The following FHIT variants were observed in gnomAD, a reference collection of about 807,000 sequenced individuals.
FHIT encodes fragile histidine triad diadenosine triphosphatase, also known as bis(5'-adenosyl)-triphosphatase.
In FHIT, 19 loss-of-function variants were observed where a neutral mutation model predicts 17.9. The ratio of observed to expected loss-of-function variants is 1.06; its 90% CI spans 0.74 to 1.56. The LOEUF is 1.56. Among genes scored for constraint, FHIT ranks in the 40% most tolerant of loss-of-function variants. The pLI, the probability that FHIT is intolerant of heterozygous loss-of-function variation, is 0.00. For synonymous variants in FHIT, 81 were observed against 69.7 expected, an observed-to-expected ratio of 1.16 and a Z score of -0.81; for missense variants, 248 against 189.2, an observed-to-expected ratio of 1.31 and a Z score of -1.82.
chr3:59,935,190 G>A (rs1365734429), intron 7 of FHIT, among the ~76,000 whole-genome samples: 2 of 152,124 alleles, frequency 1.3e-5, no homozygotes, highest in East Asian at 3.9e-4. Context: ...CCTTAGTAAT[G>A]TCTCCATCTG....
intron 3 of FHIT, among the ~76,000 whole-genome samples, chr3:61,026,822 C>T (rs1266487278): frequency 6.6e-6 from 1 of 152,100 alleles, no homozygotes; most frequent in African/African-American, 2.4e-5. Context: ...TAGTAAAAAG[C>T]AGAGCTAGAA....
At chr3:60,049,297 T>C (rs1559582669) in intron 5 of FHIT, among the ~76,000 whole-genome samples, 2 of 152,224 alleles carry the variant, frequency 1.3e-5, no homozygotes, top group African/African-American at 4.8e-5. Flanking sequence ...CTGTTAAACA[T>C]AGTAGCCACT....
rs555462727 is a variant in FHIT at position 60,321,873 on chromosome 3, C to T, written c.103+214987G>A. ...GTGGTAGAAGGGGCAAGGAAGCTCC[C>T]TCCAACCTCCTTTAAGAGGGTGCTA... On this transcript the variant is annotated intron_variant, in intron 5 of 9. Coordinates refer to ENST00000492590, the MANE Select transcript of FHIT (RefSeq NM_002012.4). Among the ~76,000 whole-genome samples, 3 of 152,316 alleles carry T rather than the reference C, an allele frequency of 2.0e-5. No individual in the cohort carries two copies. The East Asian group carries it at 5.8e-4, about 29-fold the overall frequency.
At chr3:59,884,560 A>T (rs920973299) in intron 8 of FHIT, among the ~76,000 whole-genome samples, 1 of 152,142 alleles carries the variant, frequency 6.6e-6, no homozygotes, top group African/African-American at 2.4e-5. Flanking sequence ...GTTCCGTAAA[A>T]CCATTTCCTA....
chr3:60,013,417 C>T (rs79109393), intron 6 of FHIT, among the ~76,000 whole-genome samples: 5,187 of 152,258 alleles, frequency 0.034, 142 homozygotes, highest in Non-Finnish European at 0.051. Context: ...TTACTCAATT[C>T]CCTACTGATG....
rs181364506 is a variant in FHIT at position 61,170,297 on chromosome 3, G to A, written c.-164+30320C>T. ...TTGCAATTAAATTTTATTCCCATAT[G>A]AATCTATATGTAAATAATCTCTTTA... On this transcript the variant is annotated intron_variant, in intron 2 of 9. Coordinates refer to ENST00000492590, the MANE Select transcript of FHIT (RefSeq NM_002012.4). 1.2e-4 allele frequency among the ~76,000 whole-genome samples: 18 copies of A among 152,256 alleles called. No homozygotes were observed. The East Asian group carries it at 2.7e-3, about 23-fold the overall frequency.
At position 60,045,091 on chromosome 3, in the gene FHIT, G is replaced by T. The variant is rs532785490; in HGVS notation, c.104-30939C>A. On this transcript the variant is annotated intron_variant, in intron 5 of 9. Coordinates refer to ENST00000492590, the MANE Select transcript of FHIT (RefSeq NM_002012.4). ...AAGATGGGGAGTTGTTGCTTAATGGGTATACAGTTTCAGTTTCGTAAGATG... is the reference window on the plus strand; with the variant it reads ...AAGATGGGGAGTTGTTGCTTAATGGTTATACAGTTTCAGTTTCGTAAGATG... Among the ~76,000 whole-genome samples the T allele has an allele frequency of 1.2e-4, 18 of 152,226 alleles. 1 individual carries two copies. In the South Asian group the frequency reaches 3.5e-3, roughly 30 times the overall value.
chr3:60,342,267 G>C (rs1559836432), intron 5 of FHIT, among the ~76,000 whole-genome samples: 2 of 152,336 alleles, frequency 1.3e-5, no homozygotes, highest in Admixed American at 6.5e-5. Flanking sequence ...AAGGAGCAGA[G>C]AGAGCTCTTT....
At chr3:60,008,032 T>C (rs1699991998) in intron 7 of FHIT, among the ~76,000 whole-genome samples, 1 of 152,132 alleles carries the variant, frequency 6.6e-6, no homozygotes, top group South Asian at 2.1e-4. Flanking sequence ...AGACCTATCA[T>C]AAACAATGAC....
chr3:60,091,576 C>T (rs1267970299), intron 5 of FHIT, among the ~76,000 whole-genome samples: 1 of 152,052 alleles, frequency 6.6e-6, no homozygotes, highest in Non-Finnish European at 1.5e-5. Flanking sequence ...AATCTGTGTC[C>T]CTGCCCAAAT....
intron 5 of FHIT, among the ~76,000 whole-genome samples, chr3:60,198,058 T>C (rs1357416000): frequency 6.6e-6 from 1 of 152,164 alleles, no homozygotes; most frequent in Admixed American, 6.5e-5. Context: ...TAAAAATACA[T>C]TAGTTCATCG....
At chr3:60,178,716 C>G (rs1423190522) in intron 5 of FHIT, among the ~76,000 whole-genome samples, 1 of 152,164 alleles carries the variant, frequency 6.6e-6, no homozygotes, top group African/African-American at 2.4e-5. Flanking sequence ...TCCATTAGCT[C>G]TTCCTCAGCA....
rs150898142 is a variant in FHIT, at chr3:60,417,451, G to C, written c.103+119409C>G. 1.9e-3 allele frequency among the ~76,000 whole-genome samples: 289 copies of C among 152,252 alleles called. 2 individuals are homozygous for C. Among genetic ancestry groups the C allele is most frequent in the African/African-American group, 6.6e-3 (274 of 41,564 alleles). On this transcript the variant is annotated intron_variant, in intron 5 of 9. Transcript: ENST00000492590. ...ATTTGCTGAGACGGAGCCATTTGCT[G>C]TTCATAAATGTTTGGATTTGTCTTT...
intron 8 of FHIT, among the ~76,000 whole-genome samples, chr3:59,795,733 CA>C: frequency 6.6e-6 from 1 of 152,098 alleles, no homozygotes; most frequent in East Asian, 1.9e-4. Context: ...TCTCAAAAAA[CA>C]AAAAATACAA....
chr3:60,295,878 C>T (rs1708182441), intron 5 of FHIT, among the ~76,000 whole-genome samples: 1 of 152,036 alleles, frequency 6.6e-6, no homozygotes, highest in Non-Finnish European at 1.5e-5. Context: ...GTGTCCCCAC[C>T]CAAATCTCAT....
rs1301168247 is a variant in FHIT, at chr3:61,057,361, T to C, written c.-163-15262A>G. Among the ~76,000 whole-genome samples, 4 of 152,308 alleles carry C rather than the reference T, an allele frequency of 2.6e-5. No homozygotes were observed. In the South Asian group the frequency reaches 6.2e-4, roughly 24 times the overall value. ...ATTGGGGGTTCATAAGACTTTTTTT[T>C]CCCTTGGAATGGCATCCATATGTTA... On this transcript the variant is annotated intron_variant, in intron 2 of 9. Coordinates refer to ENST00000492590, the MANE Select transcript of FHIT (RefSeq NM_002012.4).
At chr3:60,024,224 A>C (rs939762112) in intron 5 of FHIT, among the ~76,000 whole-genome samples, 1 of 152,206 alleles carries the variant, frequency 6.6e-6, no homozygotes, top group African/African-American at 2.4e-5. Context: ...TACTAATGTT[A>C]ATAGAAACAT....
chr3:60,961,622 G>A (rs1448182091), intron 3 of FHIT, among the ~76,000 whole-genome samples: 1 of 152,152 alleles, frequency 6.6e-6, no homozygotes, highest in Non-Finnish European at 1.5e-5. Flanking sequence ...GTAAGGAAGG[G>A]ATCCAGTTTC....
chr3:61,067,695 G>A (rs1407861117), intron 2 of FHIT, among the ~76,000 whole-genome samples: 2 of 152,166 alleles, frequency 1.3e-5, no homozygotes, highest in African/African-American at 4.8e-5. Flanking sequence ...AAGACCCACA[G>A]TTTCAGGTAT....
Sources: allele counts gnomAD v4.1 joint callset (sites outside exome capture counted in the v4.1 genomes callset), GRCh38; gene constraint gnomAD v4.1.1; transcripts MANE v1.5; gene names NCBI Gene and HGNC (gene_info 2026-07-23, HGNC 2026-07-21).